Variants in CRPPA observed in about 807,000 individuals in gnomAD.
CRPPA encodes the protein D-ribitol-5-phosphate cytidylyltransferase.
Under a neutral mutation model 52.0 loss-of-function variants are expected in CRPPA, and 43 were observed. The ratio of observed to expected loss-of-function variants is 0.83; its 90% CI spans 0.65 to 1.07. CRPPA has a LOEUF of 1.07. Ranked by LOEUF, CRPPA falls within the 50% of genes least tolerant of loss-of-function variation. CRPPA has a pLI of 0.00. For synonymous variants in CRPPA, 250 were observed against 203.5 expected, an observed-to-expected ratio of 1.23 and a Z score of -1.94; for missense variants, 629 against 551.7, an observed-to-expected ratio of 1.14 and a Z score of -1.40.
At chr7:16,404,999 GT>G (rs1787917384) in intron 2 of CRPPA, among the ~76,000 whole-genome samples, 1 of 152,000 alleles carries the variant, frequency 6.6e-6, no homozygotes, top group Non-Finnish European at 1.5e-5. Flanking sequence ...TGAAATTCAT[GT>G]TGCAGAAGGA....
intron 9 of CRPPA, among the ~76,000 whole-genome samples, chr7:16,180,554 G>C (rs1527197): frequency 6.6e-6 from 1 of 151,918 alleles, no homozygotes; most frequent in African/African-American, 2.4e-5. Context: ...CATTACATGC[G>C]CATGTGGCAA....
chr7:16,399,935 CAT>C (rs1478622470), intron 2 of CRPPA, among the ~76,000 whole-genome samples: 5 of 151,914 alleles, frequency 3.3e-5, no homozygotes, highest in African/African-American at 1.2e-4. Flanking sequence ...GTTATGTGAC[CAT>C]ATGTGACACG....
intron 8 of CRPPA, among the ~76,000 whole-genome samples, chr7:16,228,561 G>C (rs1354836885): frequency 6.6e-6 from 1 of 151,842 alleles, no homozygotes; most frequent in East Asian, 1.9e-4. Context: ...TTGACCCTCT[G>C]GTTGGTCAGG....
At chr7:16,416,627 G>A (rs1057143516) in intron 1 of CRPPA, among the ~76,000 whole-genome samples, 2 of 151,770 alleles carry the variant, frequency 1.3e-5, no homozygotes, top group African/African-American at 4.8e-5. Context: ...CTGAGCGCAG[G>A]AGCTCAAGAC....
chr7:16,204,582 C>T (rs537840731), intron 9 of CRPPA, among the ~76,000 whole-genome samples: 19 of 152,122 alleles, frequency 1.2e-4, no homozygotes, highest in African/African-American at 2.4e-4. Context: ...ACACAACATA[C>T]GCATGTAACA....
intron 9 of CRPPA, among the ~76,000 whole-genome samples, chr7:16,138,827 G>A (rs1782810929): frequency 6.6e-6 from 1 of 152,100 alleles, no homozygotes; most frequent in South Asian, 2.1e-4. Flanking sequence ...TTGAGATGGA[G>A]TTTCACTCCT....
chr7:16,225,780 G>A (rs1782632776), intron 8 of CRPPA, among the ~76,000 whole-genome samples: 1 of 151,802 alleles, frequency 6.6e-6, no homozygotes, highest in African/African-American at 2.4e-5. Flanking sequence ...CATAAATAAA[G>A]AGGACTTCTG....
chr7:16,165,611 T>C (rs558940109), intron 9 of CRPPA, among the ~76,000 whole-genome samples: 1 of 152,346 alleles, frequency 6.6e-6, no homozygotes, highest in African/African-American at 2.4e-5. Context: ...CATATATTCA[T>C]TGTCAGATGG....
At chr7:16,323,184 G>A (rs781527220) in intron 3 of CRPPA, among the ~76,000 whole-genome samples, 1 of 152,168 alleles carries the variant, frequency 6.6e-6, no homozygotes, top group African/African-American at 2.4e-5. Flanking sequence ...CAGATAAAGA[G>A]ATGCTGAGCA....
rs1782300085 is a variant in CRPPA at position 16,113,120 on chromosome 7, A to T, written c.1252-21321T>A. On this transcript the variant is annotated intron_variant, in intron 9 of 9. Transcript: ENST00000407010. ...CAATGAGAGTCTTGAAACATAAAAT[A>T]ACAAACAGAAATGAGACCTGAAATA... Among the ~76,000 whole-genome samples the T allele has an allele frequency of 3.3e-5, 5 of 152,022 alleles. No individual in the cohort carries two copies. The South Asian group carries it at 1.0e-3, about 31-fold the overall frequency.
intron 9 of CRPPA, among the ~76,000 whole-genome samples, chr7:16,106,085 G>C (rs1336120970): frequency 6.6e-6 from 1 of 152,112 alleles, no homozygotes; most frequent in African/African-American, 2.4e-5. Flanking sequence ...GTCAAGCAGT[G>C]ATTCCACTCA....
chr7:16,398,547 T>C (rs1307037680), intron 2 of CRPPA, among the ~76,000 whole-genome samples: 2 of 152,124 alleles, frequency 1.3e-5, no homozygotes, highest in African/African-American at 4.8e-5. Flanking sequence ...TCGACATAAG[T>C]GACACGTGAT....
At chr7:16,127,264 AAG>A (rs1263544041) in intron 9 of CRPPA, among the ~76,000 whole-genome samples, 10 of 152,154 alleles carry the variant, frequency 6.6e-5, no homozygotes, top group Non-Finnish European at 1.5e-4. Flanking sequence ...CTGTTTTATC[AAG>A]AGTTTCCCTT....
chr7:16,290,423 A>G (rs192131792), intron 5 of CRPPA, among the ~76,000 whole-genome samples: 3 of 152,212 alleles, frequency 2.0e-5, no homozygotes, highest in African/African-American at 7.2e-5. Flanking sequence ...TATAGTAACC[A>G]AAACAGTACA....
At chr7:16,402,736 T>C (rs17680292) in intron 2 of CRPPA, among the ~76,000 whole-genome samples, 44,216 of 151,180 alleles carry the variant, frequency 0.29, 6,626 homozygotes, top group South Asian at 0.39. Flanking sequence ...ACAAGTTACC[T>C]AGGATGCAGC....
At chr7:16,408,591 A>C (rs1788009498) in intron 1 of CRPPA, among the ~76,000 whole-genome samples, 1 of 152,220 alleles carries the variant, frequency 6.6e-6, no homozygotes, top group East Asian at 1.9e-4. Context: ...CAGTCAGGGC[A>C]AAAACCAATA....
At chr7:16,340,053 G>A (rs1328225944) in intron 3 of CRPPA, among the ~76,000 whole-genome samples, 1 of 152,086 alleles carries the variant, frequency 6.6e-6, no homozygotes, top group African/African-American at 2.4e-5. Flanking sequence ...ACATCCAGAT[G>A]CAAAAAATAA....
At chr7:16,389,928 A>AATATATATATATATATATAT (rs1202579530) in intron 2 of CRPPA, among the ~76,000 whole-genome samples, 3 of 29,760 alleles carry the variant, frequency 1.0e-4, no homozygotes, top group Admixed American at 5.4e-4. Context: ...AAAAAAAAAA[A>AATATATATATATATATATAT]ATATATATAT....
At chr7:16,247,528 T>C (rs1429247930) in intron 8 of CRPPA, among the ~76,000 whole-genome samples, 3 of 152,092 alleles carry the variant, frequency 2.0e-5, no homozygotes, top group Non-Finnish European at 4.4e-5. Flanking sequence ...ATAATAGTAA[T>C]ATAAGAGATC....
Sources: gnomAD v4.1 joint callset for allele counts (sites outside exome capture counted in the v4.1 genomes callset) on GRCh38, gnomAD v4.1.1 for gene constraint, MANE v1.5 for transcripts, NCBI Gene and HGNC (gene_info 2026-07-23, HGNC 2026-07-21) for gene names.